Variants in DYNLT1 observed in about 807,000 individuals in gnomAD.
DYNLT1 encodes the protein T-complex testis-specific protein 1 homolog.
In DYNLT1, 18 loss-of-function variants were observed where a neutral mutation model predicts 19.6. The observed-to-expected ratio is 0.92, with a 90% CI of 0.64 to 1.36. The LOEUF (loss-of-function observed/expected upper bound fraction) is 1.36, where lower values mean the gene tolerates loss of function less well. DYNLT1 is among the 40% of genes most tolerant of loss of function. The probability of loss-of-function intolerance (pLI) is 0.00; values close to 1 mark genes in which losing one functional copy is unlikely to be tolerated. For missense variants in DYNLT1, 137 were observed against 139.3 expected, an observed-to-expected ratio of 0.98 and a Z score of 0.08; for synonymous variants, 56 against 44.0, an observed-to-expected ratio of 1.27 and a Z score of -1.07.
rs1787003004 is a variant in DYNLT1 at position 158,636,657 on chromosome 6, ATCT to A, written c.*167_*169del. 3 of 665,546 alleles carry A rather than the reference ATCT, an allele frequency of 4.5e-6. No individual in the cohort carries two copies. The highest frequency in any genetic ancestry group is 7.6e-6 in the Non-Finnish European group (3 of 396,450). The allele number at this position is 665,546 out of a possible 1,614,324, so 41.2% of individuals were successfully genotyped here. A position where few individuals can be genotyped will look rare whatever the true frequency, so the allele number is the denominator to read the frequency against. On this transcript the variant is annotated 3_prime_UTR_variant, in exon 5 of 5. Transcript: ENST00000367089. ...CTGCAGGTGACCTACAGGGATACTC[ATCT>A]GACTTCGGTGCCATTCACATCACAG...
intron 4 of DYNLT1, 38 bp downstream of exon 4, chr6:158,637,090 A>G: frequency 6.2e-7 from 1 of 1,612,760 alleles, no homozygotes; most frequent in Non-Finnish European, 8.5e-7. Context: ...CATATATTTC[A>G]CACAACAAAA....
chr6:158,643,111 C>T (rs1443672294), intron 1 of DYNLT1, among the ~76,000 whole-genome samples: 1 of 152,150 alleles, frequency 6.6e-6, no homozygotes, highest in Admixed American at 6.5e-5. Flanking sequence ...ATTGAGATCT[C>T]GAATAATGAA....
intron 4 of DYNLT1, 102 bp downstream of exon 4, chr6:158,637,026 A>G (rs965703230): frequency 6.5e-7 from 1 of 1,547,304 alleles, no homozygotes; most frequent in Non-Finnish European, 8.9e-7. Context: ...CTATTATTAA[A>G]TGTTTTAAAA....
rs1278644653 is a variant in DYNLT1 at position 158,644,662 on chromosome 6, G to T, written c.27+20C>A. 1.2e-6 allele frequency: 2 copies of T among 1,611,694 alleles called. No homozygotes were observed. The highest frequency in any genetic ancestry group is 1.7e-6 in the Non-Finnish European group (2 of 1,179,682). On this transcript the variant is annotated intron_variant, in intron 1 of 4. Transcript: ENST00000367089. Reference sequence around the variant, plus strand: ...CAGGGCTCTAGGCCTCCACCCTTCCGTCGCCGACCCGGCGGTTACCTCCTC... The same window carrying T: ...CAGGGCTCTAGGCCTCCACCCTTCCTTCGCCGACCCGGCGGTTACCTCCTC...
chr6:158,636,760 A>T lies in DYNLT1; in HGVS notation c.*67T>A. 2.0e-6 allele frequency: 3 copies of T among 1,506,374 alleles called. No homozygotes were observed. Among genetic ancestry groups the T allele is most frequent in the Non-Finnish European group, 1.8e-6 (2 of 1,105,776 alleles). The allele number at this position is 1,506,374 out of a possible 1,614,324, so 93.3% of individuals were successfully genotyped here. A position where few individuals can be genotyped will look rare whatever the true frequency, so the allele number is the denominator to read the frequency against. On this transcript the variant is annotated 3_prime_UTR_variant, in exon 5 of 5. Coordinates refer to ENST00000367089, the MANE Select transcript of DYNLT1 (RefSeq NM_006519.4). Reference sequence around the variant, plus strand: ...AGAGAATGAGAAAAGAGTTCACTGAATTCATGGCTGGTGGTTAGAGGATGA... The same window carrying T: ...AGAGAATGAGAAAAGAGTTCACTGATTTCATGGCTGGTGGTTAGAGGATGA...
chr6:158,644,351 G>C (rs377194007), intron 1 of DYNLT1, among the ~76,000 whole-genome samples: 1 of 152,094 alleles, frequency 6.6e-6, no homozygotes, highest in Non-Finnish European at 1.5e-5. Flanking sequence ...TCATCCTCTC[G>C]GCGAGCTTGG....
At chr6:158,640,819 C>T (rs1486398883) in intron 2 of DYNLT1, among the ~76,000 whole-genome samples, 4 of 152,320 alleles carry the variant, frequency 2.6e-5, no homozygotes, top group African/African-American at 4.8e-5. Flanking sequence ...ATGCCCTGCA[C>T]GCTCCCTCAG....
At chr6:158,637,660 G>A (rs762827696) in intron 3 of DYNLT1, 111 bp downstream of exon 3, 1 of 1,561,412 alleles carries the variant, frequency 6.4e-7, no homozygotes. Flanking sequence ...ACTCCCACCA[G>A]GAGCCTTCCT....
chr6:158,642,708 G>C (rs1490340779), intron 1 of DYNLT1: 2 of 152,232 alleles, frequency 1.3e-5, no homozygotes, highest in African/African-American at 4.8e-5. Flanking sequence ...GAAGCTTAAA[G>C]GATCCTTCCA....
In DYNLT1 at chr6:158,637,170, A is replaced by G; in HGVS notation, c.229T>C (p.Leu77=). The G allele has an allele frequency of 6.2e-7, 1 of 1,614,242 alleles. No individual in the cohort carries two copies. The change falls in exon 4 of 5, where the codon TTA becomes CTA. Residue 77 remains leucine (L), a synonymous_variant. Transcript: ENST00000367089. ...CAGAAGCAGGAACTTGCTGTGTGTAATCCAGCTCCATTCTTCTGCATAATT... is the reference window on the plus strand; with the variant it reads ...CAGAAGCAGGAACTTGCTGTGTGTAGTCCAGCTCCATTCTTCTGCATAATT... The part of the protein sequence containing the change: ...CVIMQKNGAG[L]HTASSCFWDS...
Position 158,636,621 on chromosome 6 carries a change from G to A in DYNLT1, c.*206C>T. 1 of 535,310 alleles carries A rather than the reference G, an allele frequency of 1.9e-6. No individual in the cohort carries two copies. Among genetic ancestry groups the A allele is most frequent in the Non-Finnish European group, 3.3e-6 (1 of 299,796 alleles). The allele number at this position is 535,310 out of a possible 1,614,324, so 33.2% of individuals were successfully genotyped here. A position where few individuals can be genotyped will look rare whatever the true frequency, so the allele number is the denominator to read the frequency against. ...TGAAATATTCAGAGTTAAGACAAGT[G>A]GCAACGCAGGCTGCAGGTGACCTAC... On this transcript the variant is annotated 3_prime_UTR_variant, in exon 5 of 5. Transcript: ENST00000367089.
chr6:158,642,582 G>C (rs1215180262), intron 1 of DYNLT1: 1 of 144,946 alleles, frequency 6.9e-6, no homozygotes, highest in Non-Finnish European at 1.5e-5. Context: ...AGGGGGTTCA[G>C]GAGCTGACTG....
rs180883614 is a variant in DYNLT1 at position 158,637,328 on chromosome 6, T to C, written c.194-123A>G. On this transcript the variant is annotated intron_variant, in intron 3 of 4. Coordinates refer to ENST00000367089, the MANE Select transcript of DYNLT1 (RefSeq NM_006519.4). Reference sequence around the variant, plus strand: ...TGGTTGATGTTCTCGATAAAAATTATAGGGACAGATTGCCTTGTCTCACTA... The same window carrying C: ...TGGTTGATGTTCTCGATAAAAATTACAGGGACAGATTGCCTTGTCTCACTA... 4.9e-4 allele frequency: 406 copies of C among 829,000 alleles called. 1 individual carries two copies. The Admixed American group carries it at 9.0e-3, about 18-fold the overall frequency. The allele number at this position is 829,000 out of a possible 1,614,324, so 51.4% of individuals were successfully genotyped here.
At chr6:158,640,982 T>C (rs1326831250) in intron 2 of DYNLT1, among the ~76,000 whole-genome samples, 2 of 152,194 alleles carry the variant, frequency 1.3e-5, no homozygotes, top group African/African-American at 2.4e-5. Context: ...TGGAAATTGA[T>C]TGTTCAATTT....
intron 1 of DYNLT1, among the ~76,000 whole-genome samples, chr6:158,644,365 C>A (rs1315053465): frequency 6.6e-6 from 1 of 152,136 alleles, no homozygotes; most frequent in Non-Finnish European, 1.5e-5. Flanking sequence ...AGCTTGGCTG[C>A]GGGCCGGAGG....
intron 1 of DYNLT1, chr6:158,642,419 G>C (rs923926665): frequency 1.6e-4 from 24 of 152,256 alleles, no homozygotes; most frequent in Admixed American, 1.1e-3. Context: ...CCCAGGAAAG[G>C]TACGTAGCTC....
intron 2 of DYNLT1, among the ~76,000 whole-genome samples, chr6:158,639,474 C>T (rs1220583770): frequency 6.6e-6 from 1 of 152,186 alleles, no homozygotes; most frequent in Non-Finnish European, 1.5e-5. Context: ...TCTCCCTCCG[C>T]ACATACTTTG....
intron 2 of DYNLT1, among the ~76,000 whole-genome samples, chr6:158,639,380 TA>T (rs1322351778): frequency 1.3e-5 from 2 of 151,924 alleles, no homozygotes; most frequent in African/African-American, 4.8e-5. Flanking sequence ...TGTCAAAGGG[TA>T]GGGGGGGCTT....
In DYNLT1 at chr6:158,636,889, T is replaced by C. The variant is rs762726387; in HGVS notation, c.280A>G (p.Thr94Ala). The C allele has an allele frequency of 4.3e-6, 7 of 1,613,452 alleles. No individual in the cohort carries two copies. Among genetic ancestry groups the C allele is most frequent in the African/African-American group, 1.3e-5 (1 of 74,908 alleles). ...FWDSSTDGSC[T>A]VRWENKTMYC... ...ATGGTCTTATTCTCCCATCGCACAG[T>C]GCAGCTCCCTGCGGGAGGGAAGAGA... Residue 94 changes from threonine (T) to alanine (A), a missense_variant, in exon 5 of 5, where the codon ACT (threonine) becomes GCT (alanine). By Grantham distance (58) the Thr-to-Ala change is moderately conservative (BLOSUM62 0). Transcript: ENST00000367089.
Sources: gnomAD v4.1 joint callset for allele counts (sites outside exome capture counted in the v4.1 genomes callset) on GRCh38, gnomAD v4.1.1 for gene constraint, MANE v1.5 for transcripts, NCBI Gene and HGNC (gene_info 2026-07-23, HGNC 2026-07-21) for gene names.